Variants in TSC22D1 observed in about 807,000 individuals in gnomAD.
TSC22D1 encodes the protein TSC22 domain family member 1.
A neutral mutation model predicts 74.2 loss-of-function variants in TSC22D1; 9 were observed. That is an observed-to-expected ratio of 0.12 (90% CI 0.07 to 0.21). The LOEUF is 0.21. Ranked by LOEUF, TSC22D1 falls within the 10% of genes least tolerant of loss-of-function variation. The probability of loss-of-function intolerance (pLI) is 1.00; values close to 1 mark genes in which losing one functional copy is unlikely to be tolerated. For missense variants in TSC22D1, 1,427 were observed against 1,304.7 expected, an observed-to-expected ratio of 1.09 and a Z score of -1.44; for synonymous variants, 586 against 492.5, an observed-to-expected ratio of 1.19 and a Z score of -2.51.
intron 1 of TSC22D1, chr13:44,436,727 G>T (rs1874680819): frequency 2.0e-6 from 3 of 1,499,294 alleles, no homozygotes; most frequent in Non-Finnish European, 1.8e-6. Flanking sequence ...AGCCCAGGGA[G>T]AAACAGAAAA....
chr13:44,462,583 T>C (rs1452270052), intron 1 of TSC22D1, among the ~76,000 whole-genome samples: 1 of 152,180 alleles, frequency 6.6e-6, no homozygotes, highest in African/African-American at 2.4e-5. Context: ...TGGCAATGTG[T>C]ACAATTACAG....
intron 1 of TSC22D1, among the ~76,000 whole-genome samples, chr13:44,547,610 A>T (rs1370848701): frequency 5.3e-5 from 8 of 152,208 alleles, no homozygotes; most frequent in Admixed American, 5.2e-4. Context: ...CGCAGGAAAT[A>T]GAGTTTAGTG....
At chr13:44,538,511 A>C (rs531815374) in intron 1 of TSC22D1, 2 of 985,422 alleles carry the variant, frequency 2.0e-6, no homozygotes, top group East Asian at 2.3e-4. Context: ...TCAATCCCAC[A>C]AATGTTTTAA....
chr13:44,539,279 CTT>C, intron 1 of TSC22D1: 1 of 985,306 alleles, frequency 1.0e-6, no homozygotes, highest in Non-Finnish European at 1.2e-6. Flanking sequence ...ATCATTGCAT[CTT>C]TTAAAAGATC....
intron 1 of TSC22D1, among the ~76,000 whole-genome samples, chr13:44,522,348 G>C (rs896553675): frequency 6.6e-6 from 1 of 152,126 alleles, no homozygotes; most frequent in Admixed American, 6.6e-5. Flanking sequence ...TTGTATAAAG[G>C]AAAGCAATTA....
intron 1 of TSC22D1, among the ~76,000 whole-genome samples, chr13:44,535,641 C>CAAACA (rs1881093494): frequency 6.7e-6 from 1 of 150,302 alleles, no homozygotes; most frequent in Non-Finnish European, 1.5e-5. Context: ...AACAAACAAA[C>CAAACA]AAAAAAAACC....
chr13:44,522,016 C>A (rs905719437), intron 1 of TSC22D1, among the ~76,000 whole-genome samples: 7 of 152,024 alleles, frequency 4.6e-5, no homozygotes, highest in Non-Finnish European at 8.8e-5. Context: ...AATAAATAGA[C>A]CAACAATATA....
chr13:44,547,462 C>T (rs1475088901), intron 1 of TSC22D1, among the ~76,000 whole-genome samples: 1 of 152,170 alleles, frequency 6.6e-6, no homozygotes, highest in Non-Finnish European at 1.5e-5. Context: ...TGGAAATTAA[C>T]TCCAGACTAC....
Position 44,437,229 on chromosome 13 carries a change from G to A in TSC22D1, c.2913-1134C>T, listed in dbSNP as rs532756138. The A allele has an allele frequency of 5.1e-6, 5 of 985,520 alleles. No homozygotes were observed. The East Asian group carries it at 3.4e-4, about 67-fold the overall frequency. The allele number at this position is 985,520 out of a possible 1,614,324, so 61.0% of individuals were successfully genotyped here. ...GAGCTGTGTCCCGCGGCTGCTTAAC[G>A]GCGAAAGCTTCCTATTTGTAACCCG... On this transcript the variant is annotated intron_variant, in intron 1 of 2. Coordinates refer to ENST00000458659, the MANE Select transcript of TSC22D1 (RefSeq NM_183422.4).
chr13:44,450,101 G>C (rs1375296400), intron 1 of TSC22D1, among the ~76,000 whole-genome samples: 1 of 151,208 alleles, frequency 6.6e-6, no homozygotes, highest in Non-Finnish European at 1.5e-5. Context: ...GAGGGCAGAA[G>C]ACTTACCCTC....
chr13:44,468,794 A>G (rs1877438139), intron 1 of TSC22D1, among the ~76,000 whole-genome samples: 1 of 150,006 alleles, frequency 6.7e-6, no homozygotes, highest in Non-Finnish European at 1.5e-5. Flanking sequence ...AATATGCTAA[A>G]TGCACAGAAA....
chr13:44,451,695 G>A (rs148757743), intron 1 of TSC22D1, among the ~76,000 whole-genome samples: 1 of 152,168 alleles, frequency 6.6e-6, no homozygotes, highest in Non-Finnish European at 1.5e-5. Context: ...TAAGCAAATG[G>A]CTCTGGAGGG....
In TSC22D1 at chr13:44,434,642, G is replaced by A. The variant is rs557893732; in HGVS notation, c.3206C>T (p.Ser1069Leu). Residue 1069 changes from serine (S) to leucine (L), a missense_variant, in exon 3 of 3, where the codon TCA (serine) becomes TTA (leucine). Around this residue, in one of 3 missense-constraint regions of TSC22D1, gnomAD observed 63 missense variants for 50.5 expected, o/e 1.25. Coordinates refer to ENST00000458659, the MANE Select transcript of TSC22D1 (RefSeq NM_183422.4). ...CATAGGCAGCTATGCGGTTGGTCCT[G>A]AGCCCTGCGATGCTGGCTGGGCGGG... Reference protein sequence around the residue: ...QPPAQPASQGSGPTA With the variant: ...QPPAQPASQGLGPTA 21 of 1,575,782 alleles carry A rather than the reference G, an allele frequency of 1.3e-5. No individual in the cohort carries two copies. Among genetic ancestry groups the A allele is most frequent in the East Asian group, 2.2e-5 (1 of 44,604 alleles).
rs1475492248 is a variant in TSC22D1, at chr13:44,574,386, C to T, written c.1689G>A (p.Gln563=). ...ELSYQQKQGL[Q]PVPLQATMSA... Reference sequence around the variant, plus strand: ...TCATAGTGGCTTGCAGAGGTACTGGCTGAAGACCTTGCTTTTGCTGATAGC... The same window carrying T: ...TCATAGTGGCTTGCAGAGGTACTGGTTGAAGACCTTGCTTTTGCTGATAGC... Residue 563 remains glutamine (Q), a synonymous_variant, in exon 1 of 3, where the codon CAG becomes CAA. Coordinates refer to ENST00000458659, the MANE Select transcript of TSC22D1 (RefSeq NM_183422.4). 1.2e-5 allele frequency: 19 copies of T among 1,614,080 alleles called. No individual in the cohort carries two copies. The highest frequency in any genetic ancestry group is 1.3e-5 in the African/African-American group (1 of 74,920).
chr13:44,447,500 TTGG>T (rs1433014574), intron 1 of TSC22D1, among the ~76,000 whole-genome samples: 2 of 152,180 alleles, frequency 1.3e-5, no homozygotes, highest in Non-Finnish European at 2.9e-5. Context: ...GTTGAGTTTG[TTGG>T]TGATTAATCA....
chr13:44,467,506 A>C (rs761464693), intron 1 of TSC22D1, among the ~76,000 whole-genome samples: 1 of 152,190 alleles, frequency 6.6e-6, no homozygotes, highest in Non-Finnish European at 1.5e-5. Flanking sequence ...CTGACAGAGG[A>C]ATAATCTCCA....
intron 1 of TSC22D1, among the ~76,000 whole-genome samples, chr13:44,464,486 C>A (rs978559123): frequency 6.6e-6 from 1 of 151,998 alleles, no homozygotes; most frequent in African/African-American, 2.4e-5. Context: ...CAGATAGTGA[C>A]ATAGTGATAT....
intron 1 of TSC22D1, among the ~76,000 whole-genome samples, chr13:44,471,127 A>C (rs1352138218): frequency 1.3e-5 from 2 of 152,230 alleles, no homozygotes; most frequent in East Asian, 3.8e-4. Context: ...TCATCAAAGC[A>C]AAAAGAATCT....
At chr13:44,437,332 T>A in intron 1 of TSC22D1, 3 of 886,366 alleles carry the variant, frequency 3.4e-6, no homozygotes, top group Non-Finnish European at 4.1e-6. Flanking sequence ...ATCTAGTTCT[T>A]ACCGGCAGCG....
Sources: gnomAD v4.1 joint callset for allele counts (sites outside exome capture counted in the v4.1 genomes callset) on GRCh38, gnomAD v4.1.1 for gene constraint, gnomAD v4.1.1 regional missense constraint, MANE v1.5 for transcripts, NCBI Gene and HGNC (gene_info 2026-07-23, HGNC 2026-07-21) for gene names.